FRMPD4: variants seen among roughly 807,000 people sequenced by gnomAD.
FRMPD4 encodes FERM and PDZ domain containing 4, also known as FERM and PDZ domain-containing protein 4.
Under a neutral mutation model 94.1 loss-of-function variants are expected in FRMPD4, and 22 were observed. That is an observed-to-expected ratio of 0.23 (90% confidence interval 0.17 to 0.33). The LOEUF is 0.33. Among genes scored for constraint, FRMPD4 ranks in the 10% least tolerant of loss-of-function variants. The pLI, the probability that FRMPD4 is intolerant of heterozygous loss-of-function variation, is 1.00. For missense variants in FRMPD4, 1,111 were observed against 1,339.9 expected (o/e 0.83, Z 2.67); for synonymous variants, 631 against 548.6 (o/e 1.15, Z -2.10).
At chrX:12,592,526 T>G (rs1375609742) in intron 2 of FRMPD4, among the ~76,000 whole-genome samples, 1 of 112,157 alleles carries the variant, frequency 8.9e-6, no homozygotes, top group African/African-American at 3.2e-5. Flanking sequence ...TACATTTCTT[T>G]CTTTTTCTTT....
At chrX:11,876,477 T>C (rs1293224927) in intron 2 of FRMPD4, among the ~76,000 whole-genome samples, 1 of 111,150 alleles carries the variant, frequency 9.0e-6, no homozygotes, top group Non-Finnish European at 1.9e-5. Context: ...GGTTTTGCTG[T>C]CAAAGATCAA....
intron 1 of FRMPD4, among the ~76,000 whole-genome samples, chrX:11,855,548 A>C (rs2053649096): frequency 8.9e-6 from 1 of 112,140 alleles, no homozygotes; most frequent in Non-Finnish European, 1.9e-5. Flanking sequence ...CATCTCTCGC[A>C]AGTTCAAAAT....
At chrX:11,822,512 A>C (rs2053418394) in exon 1 of FRMPD4, among the ~76,000 whole-genome samples, 1 of 112,120 alleles carries the variant, frequency 8.9e-6, no homozygotes, top group Non-Finnish European at 1.9e-5. Context: ...GAGCAGGAGA[A>C]AATGGCAGTG....
intron 1 of FRMPD4, among the ~76,000 whole-genome samples, chrX:12,314,573 A>C (rs1050914074): frequency 8.9e-6 from 1 of 112,251 alleles, no homozygotes; most frequent in Non-Finnish European, 1.9e-5. Flanking sequence ...ATAATATCCC[A>C]TTGAGATGCT....
At chrX:11,867,700 G>T (rs185608901) in intron 2 of FRMPD4, among the ~76,000 whole-genome samples, 1 of 111,931 alleles carries the variant, frequency 8.9e-6, no homozygotes, top group African/African-American at 3.2e-5. Context: ...CCTGTGGAGC[G>T]TGTCCCCTGT....
chrX:12,249,504 G>A (rs2054003686), intron 1 of FRMPD4, among the ~76,000 whole-genome samples: 1 of 111,475 alleles, frequency 9.0e-6, no homozygotes, highest in African/African-American at 3.3e-5. Flanking sequence ...TTGCTCTGGG[G>A]CAGCTGGATG....
intron 5 of FRMPD4, among the ~76,000 whole-genome samples, chrX:12,677,380 T>C (rs1602305599): frequency 1.8e-5 from 2 of 110,253 alleles, no homozygotes; most frequent in East Asian, 5.7e-4. Context: ...TAAATGGATA[T>C]CAGACATGGA....
chrX:11,856,114 C>T (rs1024762351), intron 1 of FRMPD4, among the ~76,000 whole-genome samples: 10 of 111,249 alleles, frequency 9.0e-5, no homozygotes, highest in Non-Finnish European at 1.3e-4. Flanking sequence ...AAGGGGAAGC[C>T]GCTTATAAAA....
At chrX:12,662,816 C>T (rs2059731475) in intron 4 of FRMPD4, among the ~76,000 whole-genome samples, 1 of 112,348 alleles carries the variant, frequency 8.9e-6, no homozygotes, top group African/African-American at 3.2e-5. Flanking sequence ...ACACTCCCAC[C>T]AACAGTGTAA....
At chrX:12,520,453 T>C (rs948682184) in intron 2 of FRMPD4, among the ~76,000 whole-genome samples, 2 of 111,696 alleles carry the variant, frequency 1.8e-5, no homozygotes, top group African/African-American at 6.5e-5. Flanking sequence ...ACAATGTGAA[T>C]GCACTTAACA....
At position 12,531,467 on chromosome X, in the gene FRMPD4, G is replaced by A. The variant is rs2058284995; in HGVS notation, c.158+32671G>A. 2.7e-5 allele frequency among the ~76,000 whole-genome samples: 3 copies of A among 111,972 alleles called. No homozygotes were observed. In the Admixed American group the frequency reaches 2.8e-4, roughly 11 times the overall value. On this transcript the variant is annotated intron_variant, in intron 2 of 16. Transcript: ENST00000675598. ...CTTGGACATCAGATTTTCTGAGGCA[G>A]TGCTTCTCAAACTTTAAAGTGCATC...
intron 3 of FRMPD4, among the ~76,000 whole-genome samples, chrX:12,005,517 A>G (rs1239242499): frequency 9.4e-6 from 1 of 106,024 alleles, no homozygotes; most frequent in Admixed American, 1.1e-4. Context: ...GACTGACTCC[A>G]TTTTATTTCC....
At chrX:12,331,445 TAA>T (rs1039090906) in intron 1 of FRMPD4, among the ~76,000 whole-genome samples, 1 of 103,138 alleles carries the variant, frequency 9.7e-6, no homozygotes, top group African/African-American at 3.5e-5. Context: ...TGGTAACAAA[TAA>T]AAGTTCACAT....
chrX:12,346,039 G>GT (rs35552186), intron 1 of FRMPD4, among the ~76,000 whole-genome samples: 291 of 98,805 alleles, frequency 2.9e-3, no homozygotes, highest in Middle Eastern at 5.3e-3. Context: ...AAAATCTCTA[G>GT]TTTTTTTTTT....
intron 1 of FRMPD4, among the ~76,000 whole-genome samples, chrX:11,852,407 A>C (rs2053628509): frequency 1.0e-5 from 1 of 96,180 alleles, no homozygotes; most frequent in African/African-American, 4.0e-5. Context: ...ATGCCACTGC[A>C]CTCCAGCCTG....
intron 1 of FRMPD4, among the ~76,000 whole-genome samples, chrX:12,159,055 C>T (rs1196167020): frequency 8.9e-6 from 1 of 112,212 alleles, no homozygotes; most frequent in Non-Finnish European, 1.9e-5. Context: ...GGCTATTGGC[C>T]AGCCCATTTG....
At chrX:12,032,054 G>A (rs1196919879) in intron 3 of FRMPD4, among the ~76,000 whole-genome samples, 2 of 112,116 alleles carry the variant, frequency 1.8e-5, no homozygotes, top group Non-Finnish European at 3.8e-5. Context: ...AGGAAAACAG[G>A]AGGATTTTGA....
intron 2 of FRMPD4, among the ~76,000 whole-genome samples, chrX:12,518,143 G>A (rs963021801): frequency 8.9e-5 from 10 of 111,757 alleles, no homozygotes; most frequent in South Asian, 7.7e-4. Flanking sequence ...AGTGATGGCC[G>A]CTGCCCTTCT....
At chrX:12,477,775 A>C (rs773624570) in intron 1 of FRMPD4, among the ~76,000 whole-genome samples, 5 of 112,939 alleles carry the variant, frequency 4.4e-5, no homozygotes, top group African/African-American at 1.6e-4. Context: ...CCTATTCAAC[A>C]TTATGACTGT....
Sources: allele counts gnomAD v4.1 joint callset (sites outside exome capture counted in the v4.1 genomes callset), GRCh38; gene constraint gnomAD v4.1.1; transcripts MANE v1.5; gene names NCBI Gene and HGNC (gene_info 2026-07-23, HGNC 2026-07-21).